USP34: variants seen among roughly 807,000 people sequenced by gnomAD.
USP34 encodes the protein ubiquitin carboxyl-terminal hydrolase 34.
In USP34, 70 loss-of-function variants were observed where a neutral mutation model predicts 460.3. The ratio of observed to expected loss-of-function variants is 0.15; its 90% CI spans 0.13 to 0.19. The LOEUF is 0.19. USP34 is among the 10% of genes least tolerant of loss of function. The pLI, the probability that USP34 is intolerant of heterozygous loss-of-function variation, is 1.00. For synonymous variants in USP34, 1,647 were observed against 1,405.3 expected, an observed-to-expected ratio of 1.17 and a Z score of -3.85; for missense variants, 3,985 against 4,236.2, an observed-to-expected ratio of 0.94 and a Z score of 1.65.
intron 3 of USP34, among the ~76,000 whole-genome samples, chr2:61,397,353 G>T (rs1395836916): frequency 6.6e-6 from 1 of 151,214 alleles, no homozygotes; most frequent in Non-Finnish European, 1.5e-5. Context: ...TGATGCAGGA[G>T]AACTGCTTGA....
chr2:61,383,927 C>G (rs1175771597), intron 5 of USP34, among the ~76,000 whole-genome samples: 1 of 152,138 alleles, frequency 6.6e-6, no homozygotes, highest in African/African-American at 2.4e-5. Flanking sequence ...AACCATCTCT[C>G]AAAGTAATAT....
At position 61,206,876 on chromosome 2, in the gene USP34, G is replaced by A; in HGVS notation, c.8930C>T (p.Thr2977Ile). Residue 2977 changes from threonine to isoleucine, a missense_variant, in exon 71 of 80, where the codon ACT becomes ATT. Physicochemically the swap from Thr to Ile is moderately conservative, Grantham distance 89. Transcript: ENST00000398571. ...AGCTTCGTGATACATCATGTGCAAA[G>A]TGTTGAAAGACTACAAATGATTTGA... ...GLILMTESFN[T>I]LHMMYHEATA... The A allele has an allele frequency of 1.2e-6, 2 of 1,605,292 alleles. No homozygotes were observed. Among genetic ancestry groups the A allele is most frequent in the Non-Finnish European group, 1.7e-6 (2 of 1,177,790 alleles).
intron 3 of USP34, among the ~76,000 whole-genome samples, chr2:61,402,881 A>G (rs1163785043): frequency 2.6e-5 from 4 of 152,168 alleles, no homozygotes; most frequent in Non-Finnish European, 5.9e-5. Flanking sequence ...ATATAATTTT[A>G]TAACATGTAT....
At chr2:61,337,571 C>T (rs1348297487) in intron 18 of USP34, among the ~76,000 whole-genome samples, 1 of 152,150 alleles carries the variant, frequency 6.6e-6, no homozygotes, top group Non-Finnish European at 1.5e-5. Context: ...CCTCCTACCT[C>T]AGCCTCCCAA....
chr2:61,346,527 T>TAAAAAAAAAA lies in USP34; in HGVS notation c.2285+1333_2285+1342dup, dbSNP rs926076478. ...GGTGACAAAGTGAGACCCTATCTCT[T>TAAAAAAAAAA]AAAAAAAAAAAAAAAAAAAAAAAAA... On this transcript the variant is annotated intron_variant, in intron 15 of 79. Coordinates refer to ENST00000398571, the MANE Select transcript of USP34 (RefSeq NM_014709.4). 1.1e-4 allele frequency among the ~76,000 whole-genome samples: 5 copies of TAAAAAAAAAA among 44,254 alleles called. 1 individual carries two copies. Among genetic ancestry groups the TAAAAAAAAAA allele is most frequent in the Non-Finnish European group, 1.5e-4 (4 of 26,970 alleles). The allele number at this position is 44,254 out of a possible 152,430, so 29.0% of individuals were successfully genotyped here.
intron 57 of USP34, among the ~76,000 whole-genome samples, chr2:61,234,232 C>T (rs1194393404): frequency 6.6e-6 from 1 of 152,206 alleles, no homozygotes; most frequent in Non-Finnish European, 1.5e-5. Flanking sequence ...AGATGAACTT[C>T]TAAATATGCA....
intron 1 of USP34, among the ~76,000 whole-genome samples, chr2:61,429,827 C>T (rs1319648228): frequency 1.3e-5 from 2 of 152,106 alleles, no homozygotes; most frequent in Non-Finnish European, 1.5e-5. Flanking sequence ...TTTGGGAGGC[C>T]GAGGCGGGCA....
chr2:61,433,297 C>A (rs1164842232), intron 1 of USP34, among the ~76,000 whole-genome samples: 1 of 152,180 alleles, frequency 6.6e-6, no homozygotes, highest in Admixed American at 6.5e-5. Flanking sequence ...GAAGATCCCT[C>A]ACCAGCACTC....
intron 44 of USP34, among the ~76,000 whole-genome samples, chr2:61,258,678 T>A (rs971177840): frequency 6.6e-6 from 1 of 152,180 alleles, no homozygotes; most frequent in Non-Finnish European, 1.5e-5. Flanking sequence ...GCCATGGTGA[T>A]GAGCTCGAAT....
Position 61,208,958 on chromosome 2 carries a change from C to G in USP34, c.8860G>C (p.Glu2954Gln). Residue 2954 changes from glutamate (E) to glutamine (Q), a missense_variant, in exon 70 of 80, where the codon GAA (glutamate) becomes CAA (glutamine). Physicochemically the swap from Glu to Gln is conservative, Grantham distance 29. Coordinates refer to ENST00000398571, the MANE Select transcript of USP34 (RefSeq NM_014709.4). ...ACAAGAAGTCTGTCTTCATCAGATT[C>G]TAATAGTATTCTGAAGGCACTAGAA... ...TLISAFRILL[E>Q]SDEDRLLVVF... 6.3e-7 allele frequency: 1 copy of G among 1,591,304 alleles called. No individual in the cohort carries two copies. Among genetic ancestry groups the G allele is most frequent in the Admixed American group, 1.7e-5 (1 of 57,386 alleles).
chr2:61,359,739 TA>T (rs1464208293), intron 10 of USP34, among the ~76,000 whole-genome samples: 1 of 149,942 alleles, frequency 6.7e-6, no homozygotes, highest in East Asian at 1.9e-4. Flanking sequence ...AGAAGGAACT[TA>T]CCTCAGCATA....
intron 34 of USP34, among the ~76,000 whole-genome samples, chr2:61,285,249 G>T (rs1308754240): frequency 1.3e-5 from 2 of 152,098 alleles, no homozygotes; most frequent in South Asian, 4.2e-4. Context: ...AGCAATTAGG[G>T]AGGCTCAGGT....
At chr2:61,336,709 T>C (rs6761193) in intron 18 of USP34, among the ~76,000 whole-genome samples, 136,168 of 150,730 alleles carry the variant, frequency 0.9, 61,740 homozygotes, top group African/African-American at 0.97. Context: ...ACTTGGGAGG[T>C]TGAGGCAGGA....
chr2:61,217,813 G>C (rs1313205584), intron 67 of USP34, among the ~76,000 whole-genome samples: 2 of 152,082 alleles, frequency 1.3e-5, no homozygotes, highest in East Asian at 3.9e-4. Flanking sequence ...AAATTAGCCA[G>C]GCATGGTGGT....
intron 21 of USP34, 48 bp downstream of exon 21, chr2:61,325,327 T>C: frequency 1.6e-6 from 2 of 1,277,078 alleles, no homozygotes; most frequent in East Asian, 2.6e-5. Context: ...ATTTAGTTCT[T>C]CCAATAGTCA....
At chr2:61,397,776 G>C (rs1484304638) in intron 3 of USP34, among the ~76,000 whole-genome samples, 1 of 152,118 alleles carries the variant, frequency 6.6e-6, no homozygotes, top group African/African-American at 2.4e-5. Context: ...GCACACACCT[G>C]TAGTCCCAGC....
rs1343443306 is a variant in USP34, at chr2:61,187,838, A to G, written c.*264T>C. 5 of 1,188,946 alleles carry G rather than the reference A, an allele frequency of 4.2e-6. No homozygotes were observed. Among genetic ancestry groups the G allele is most frequent in the Middle Eastern group, 2.1e-4 (1 of 4,662 alleles). 73.6% of individuals were successfully genotyped at this position (1,188,946 alleles called of 1,614,324 possible). A position where few individuals can be genotyped will look rare whatever the true frequency, so the allele number is the denominator to read the frequency against. On this transcript the variant is annotated 3_prime_UTR_variant, in exon 80 of 80. Transcript: ENST00000398571. ...GCAACCCTGTTCTTCCCAGACAGCC[A>G]TATTAAATGAAAGCCACTAAAGTGA... is the stretch of plus-strand genomic sequence containing the variant.
At chr2:61,343,358 G>A (rs778456147) in intron 16 of USP34, among the ~76,000 whole-genome samples, 1 of 151,548 alleles carries the variant, frequency 6.6e-6, no homozygotes. Context: ...TCTCACACTC[G>A]CCCCTCCTTA....
chr2:61,259,825 A>T (rs1688824476), intron 43 of USP34, 49 bp from the exon 44 acceptor site: 4 of 1,553,678 alleles, frequency 2.6e-6, no homozygotes, highest in Non-Finnish European at 3.5e-6. Flanking sequence ...TGATGGTAGT[A>T]AATTAGGCAT....
Sources: gnomAD v4.1 joint callset for allele counts (sites outside exome capture counted in the v4.1 genomes callset) on GRCh38, gnomAD v4.1.1 for gene constraint, MANE v1.5 for transcripts, NCBI Gene and HGNC (gene_info 2026-07-23, HGNC 2026-07-21) for gene names.